The following ANO10 variants were observed in gnomAD, a reference collection of about 807,000 sequenced individuals.
ANO10 encodes anoctamin-10.
Under a neutral mutation model 74.7 loss-of-function variants are expected in ANO10, and 77 were observed. The observed-to-expected ratio is 1.03, with a 90% CI of 0.86 to 1.25. The LOEUF (loss-of-function observed/expected upper bound fraction) is 1.25, where lower values mean the gene tolerates loss of function less well. Ranked by LOEUF, ANO10 falls within the 50% of genes most tolerant of loss-of-function variation. The pLI, the probability that ANO10 is intolerant of heterozygous loss-of-function variation, is 0.00. For synonymous variants in ANO10, 279 were observed against 284.9 expected, an observed-to-expected ratio of 0.98 and a Z score of 0.21; for missense variants, 721 against 778.1, an observed-to-expected ratio of 0.93 and a Z score of 0.87.
chr3:43,533,996 T>C (rs1333406838), intron 11 of ANO10, among the ~76,000 whole-genome samples: 2 of 152,222 alleles, frequency 1.3e-5, no homozygotes, highest in Admixed American at 6.5e-5. Flanking sequence ...GCACATTAAA[T>C]ATGCCTGGAA....
chr3:43,518,586 G>A (rs1476318097), intron 11 of ANO10, among the ~76,000 whole-genome samples: 1 of 152,124 alleles, frequency 6.6e-6, no homozygotes, highest in Non-Finnish European at 1.5e-5. Context: ...AAGCAAATAG[G>A]AGAAATATCA....
chr3:43,641,889 G>A (rs1277403763), intron 1 of ANO10, among the ~76,000 whole-genome samples: 1 of 152,094 alleles, frequency 6.6e-6, no homozygotes, highest in Admixed American at 6.6e-5. Flanking sequence ...GGATTGCTTG[G>A]TGTAATAATT....
At chr3:43,585,429 A>C (rs1379933457) in intron 4 of ANO10, among the ~76,000 whole-genome samples, 4 of 152,244 alleles carry the variant, frequency 2.6e-5, no homozygotes, top group African/African-American at 9.6e-5. Flanking sequence ...TTATTGCTTC[A>C]GGATACCAGA....
chr3:43,385,677 G>T (rs1481805702), intron 12 of ANO10, among the ~76,000 whole-genome samples: 1 of 150,958 alleles, frequency 6.6e-6, no homozygotes, highest in Non-Finnish European at 1.5e-5. Context: ...ACCAAACATT[G>T]TATGTCCTCA....
intron 11 of ANO10, among the ~76,000 whole-genome samples, chr3:43,488,728 TA>T (rs1232264529): frequency 1.3e-5 from 2 of 151,980 alleles, no homozygotes; most frequent in Non-Finnish European, 2.9e-5. Flanking sequence ...GGTGGGACTG[TA>T]AACTAGTTCA....
rs570660013 is a variant in ANO10 at position 43,658,672 on chromosome 3, G to A, written c.-12+32845C>T. Among the ~76,000 whole-genome samples the A allele has an allele frequency of 6.6e-5, 10 of 152,128 alleles. No homozygotes were observed. The East Asian group carries it at 1.4e-3, about 21-fold the overall frequency. On this transcript the variant is annotated intron_variant, in intron 1 of 3. Coordinates refer to the ANO10 transcript ENST00000413397. ...TTTAGTAGAGACGGGATTTCACCAC[G>A]TTGGCCAGGCTTGTCTTGAACTTCA...
chr3:43,566,390 G>A (rs1266662940), intron 7 of ANO10, among the ~76,000 whole-genome samples: 1 of 152,232 alleles, frequency 6.6e-6, no homozygotes, highest in African/African-American at 2.4e-5. Flanking sequence ...GCAGGGCACA[G>A]ACAAACAAAA....
chr3:43,373,352 C>A (rs913078964), intron 12 of ANO10, among the ~76,000 whole-genome samples: 1 of 152,110 alleles, frequency 6.6e-6, no homozygotes, highest in African/African-American at 2.4e-5. Flanking sequence ...TTGGTCCCAG[C>A]TAGAAACAAA....
chr3:43,468,864 C>T (rs1299686597), intron 11 of ANO10, among the ~76,000 whole-genome samples: 3 of 151,522 alleles, frequency 2.0e-5, no homozygotes, highest in Non-Finnish European at 4.4e-5. Flanking sequence ...CTGCATGCCA[C>T]CAAGGCTGGC....
intron 11 of ANO10, among the ~76,000 whole-genome samples, chr3:43,541,750 A>G (rs1282769369): frequency 1.3e-5 from 2 of 152,238 alleles, no homozygotes; most frequent in Non-Finnish European, 2.9e-5. Context: ...CTGAGGCTTC[A>G]TCATATGCTG....
At chr3:43,659,616 C>A (rs1254030031) in intron 1 of ANO10, among the ~76,000 whole-genome samples, 3 of 152,226 alleles carry the variant, frequency 2.0e-5, no homozygotes. Context: ...GCAAGGCCTA[C>A]TGCCTCTCTA....
intron 11 of ANO10, among the ~76,000 whole-genome samples, chr3:43,454,909 C>T (rs780216407): frequency 6.6e-6 from 1 of 151,940 alleles, no homozygotes; most frequent in Admixed American, 6.6e-5. Flanking sequence ...GTTTATGCAC[C>T]GATGAGGATG....
At chr3:43,561,048 A>G (rs1322284497) in intron 9 of ANO10, among the ~76,000 whole-genome samples, 172 bp downstream of exon 9, 2 of 152,228 alleles carry the variant, frequency 1.3e-5, no homozygotes, top group East Asian at 1.9e-4. Context: ...CAGTGCTTCA[A>G]TGCAAAGTTC....
At chr3:43,549,646 C>A in intron 11 of ANO10, 74 bp downstream of exon 11, 1 of 1,556,858 alleles carries the variant, frequency 6.4e-7, no homozygotes. Context: ...CATGGACAGC[C>A]CGAGACAGCA....
At chr3:43,501,634 A>G (rs1275492744) in intron 11 of ANO10, among the ~76,000 whole-genome samples, 1 of 152,206 alleles carries the variant, frequency 6.6e-6, no homozygotes, top group Non-Finnish European at 1.5e-5. Context: ...GATGCAATGA[A>G]GACTAAGATT....
chr3:43,508,357 A>C (rs191468048), intron 11 of ANO10, among the ~76,000 whole-genome samples: 11 of 152,300 alleles, frequency 7.2e-5, no homozygotes, highest in African/African-American at 2.6e-4. Flanking sequence ...AATGGGCAAA[A>C]ACTTCAGCCA....
At chr3:43,615,317 G>A (rs2083042113) in intron 1 of ANO10, among the ~76,000 whole-genome samples, 1 of 152,086 alleles carries the variant, frequency 6.6e-6, no homozygotes, top group Non-Finnish European at 1.5e-5. Context: ...CAGACAGCCT[G>A]ACACCAAAGT....
intron 1 of ANO10, among the ~76,000 whole-genome samples, chr3:43,685,203 T>A (rs555145159): frequency 6.6e-6 from 1 of 152,362 alleles, no homozygotes; most frequent in East Asian, 1.9e-4. Flanking sequence ...TAGTGACATC[T>A]TCTTTTCCAT....
intron 11 of ANO10, among the ~76,000 whole-genome samples, chr3:43,470,596 TTTTATTTATTTATTTA>T (rs61427290): frequency 2.8e-5 from 4 of 143,908 alleles, no homozygotes; most frequent in African/African-American, 5.0e-5. Flanking sequence ...CTGGTAATTA[TTTTATTTATTTATTTA>T]TTTATTTATT....
Sources: gnomAD v4.1 joint callset for allele counts (sites outside exome capture counted in the v4.1 genomes callset) on GRCh38, gnomAD v4.1.1 for gene constraint, MANE v1.5 for transcripts, NCBI Gene and HGNC (gene_info 2026-07-23, HGNC 2026-07-21) for gene names.